WLS: variants seen among roughly 807,000 people sequenced by gnomAD.
The protein encoded by WLS is protein wntless homolog.
In WLS, 23 loss-of-function variants were observed where a neutral mutation model predicts 62.8. That is an observed-to-expected ratio of 0.37 (90% CI 0.26 to 0.52). WLS has a LOEUF of 0.52. Ranked by LOEUF, WLS falls within the 20% of genes least tolerant of loss-of-function variation. The pLI, the probability that WLS is intolerant of heterozygous loss-of-function variation, is 0.92. For missense variants in WLS, 615 were observed against 697.3 expected (o/e 0.88, Z 1.33); for synonymous variants, 246 against 244.1 (o/e 1.01, Z -0.07).
intron 11 of WLS, among the ~76,000 whole-genome samples, chr1:68,137,485 AAAG>A (rs1185373587): frequency 6.6e-6 from 1 of 152,230 alleles, no homozygotes. Context: ...TCAAAAATGT[AAAG>A]AAGAAAATTT....
At chr1:68,106,822 T>C (rs905592199) in intron 11 of WLS, among the ~76,000 whole-genome samples, 1 of 152,076 alleles carries the variant, frequency 6.6e-6, no homozygotes, top group Non-Finnish European at 1.5e-5. Context: ...AGATGCTTAA[T>C]GTCCTGCAAC....
intron 1 of WLS, among the ~76,000 whole-genome samples, chr1:68,208,049 G>A (rs1257843258): frequency 6.6e-6 from 1 of 152,148 alleles, no homozygotes; most frequent in Non-Finnish European, 1.5e-5. Flanking sequence ...ACCTATCAGT[G>A]AACAGCCCCA....
intron 11 of WLS, among the ~76,000 whole-genome samples, chr1:68,110,337 A>G (rs560302917): frequency 1.1e-4 from 17 of 152,148 alleles, no homozygotes; most frequent in Non-Finnish European, 2.2e-4. Flanking sequence ...CCAGAAAAAT[A>G]TAACTTGTGA....
At chr1:68,136,799 A>G (rs932245240) in intron 11 of WLS, among the ~76,000 whole-genome samples, 4 of 152,200 alleles carry the variant, frequency 2.6e-5, no homozygotes, top group African/African-American at 7.2e-5. Context: ...AGAATGTGCA[A>G]TCCACTCATG....
chr1:68,183,839 A>G (rs1026310804), intron 2 of WLS, among the ~76,000 whole-genome samples: 1 of 152,098 alleles, frequency 6.6e-6, no homozygotes, highest in Non-Finnish European at 1.5e-5. Flanking sequence ...TAATTACTTT[A>G]ACTAGAAATT....
chr1:68,178,925 C>T (rs1463581697), intron 2 of WLS, among the ~76,000 whole-genome samples: 1 of 152,052 alleles, frequency 6.6e-6, no homozygotes, highest in East Asian at 1.9e-4. Flanking sequence ...ATCTACCATC[C>T]CATCATGAAA....
At chr1:68,127,179 G>A (rs1302121123) in intron 11 of WLS, 2 of 281,610 alleles carry the variant, frequency 7.1e-6, no homozygotes, top group African/African-American at 2.3e-5. Context: ...GGGTGACAGA[G>A]TAAGACTTTG....
At chr1:68,123,756 G>A (rs12136863), downstream of WLS, among the ~76,000 whole-genome samples, 1 of 152,070 alleles carries the variant, frequency 6.6e-6, no homozygotes, top group African/African-American at 2.4e-5. Flanking sequence ...ACCTGCCTAA[G>A]ACTCCTGTTT....
intron 2 of WLS, among the ~76,000 whole-genome samples, chr1:68,185,210 A>T (rs1647851738): frequency 6.6e-6 from 1 of 152,346 alleles, no homozygotes; most frequent in Admixed American, 6.5e-5. Context: ...TCAGATGCCC[A>T]TCGAAAAAAC....
chr1:68,138,010 C>T (rs1646635864), intron 10 of WLS, 77 bp from the exon 11 acceptor site: 10 of 1,557,738 alleles, frequency 6.4e-6, no homozygotes, highest in African/African-American at 1.4e-5. Context: ...AAGGAACCAA[C>T]CAACATGAAA....
At chr1:68,188,690 A>G (rs1835456) in intron 2 of WLS, among the ~76,000 whole-genome samples, 9,505 of 152,316 alleles carry the variant, frequency 0.062, 375 homozygotes, top group Admixed American at 0.097. Context: ...TTGTGAGAAG[A>G]GGAATCACAA....
rs370028102 is a variant in WLS at position 68,126,855 on chromosome 1, C to A, written c.1517-520G>T. Among the ~76,000 whole-genome samples the A allele has an allele frequency of 1.4e-4, 21 of 152,242 alleles. No individual in the cohort carries two copies. In the East Asian group the frequency reaches 2.3e-3, roughly 17 times the overall value. On this transcript the variant is annotated intron_variant, in intron 11 of 11. Coordinates refer to ENST00000262348, the MANE Select transcript of WLS (RefSeq NM_024911.7). ...TAAACCAGCATAACACCCCTCCCAA[C>A]GGATGGGTCAGTCAGGCACCAACAC...
At chr1:68,208,583 C>A (rs1354088656) in intron 1 of WLS, among the ~76,000 whole-genome samples, 1 of 152,192 alleles carries the variant, frequency 6.6e-6, no homozygotes, top group Non-Finnish European at 1.5e-5. Context: ...TATATATCCC[C>A]TTTACCATGC....
intron 10 of WLS, among the ~76,000 whole-genome samples, chr1:68,143,303 CAA>C (rs1646710958): frequency 6.6e-6 from 1 of 152,146 alleles, no homozygotes; most frequent in Admixed American, 6.5e-5. Flanking sequence ...AAAGCACTGG[CAA>C]AAGAGTCAGA....
intron 11 of WLS, among the ~76,000 whole-genome samples, chr1:68,116,094 T>G (rs931906542): frequency 6.6e-6 from 1 of 152,210 alleles, no homozygotes; most frequent in Non-Finnish European, 1.5e-5. Context: ...CTTCATTAAC[T>G]TCCAGGTTGC....
intron 1 of WLS, among the ~76,000 whole-genome samples, chr1:68,224,169 C>T (rs536789736): frequency 2.0e-5 from 3 of 152,094 alleles, no homozygotes; most frequent in African/African-American, 7.2e-5. Flanking sequence ...AGAAAGAATA[C>T]CCCTTGGCCA....
chr1:68,182,664 G>GTACCATT (rs149802011), intron 2 of WLS, among the ~76,000 whole-genome samples: 5,632 of 152,140 alleles, frequency 0.037, 336 homozygotes, highest in African/African-American at 0.13. Context: ...GACAACTTCC[G>GTACCATT]TACCATTTAC....
In WLS at chr1:68,099,820, T is replaced by A. The variant is rs192833738; in HGVS notation, c.1511-1067A>T. ...AAGGACATGGATTCTGGACCCAGAC[T>A]GCATACATTCAACTTGGCTTCACTT... On this transcript the variant is annotated intron_variant, in intron 11 of 11. Transcript: ENST00000354777. 3 of 152,320 alleles carry A rather than the reference T, an allele frequency of 2.0e-5. No homozygotes were observed. In the East Asian group the frequency reaches 5.8e-4, roughly 29 times the overall value. 9.4% of individuals were successfully genotyped at this position (152,320 alleles called of 1,614,324 possible). A position where few individuals can be genotyped will look rare whatever the true frequency, so the allele number is the denominator to read the frequency against.
intron 1 of WLS, among the ~76,000 whole-genome samples, chr1:68,225,066 T>C (rs1650087903): frequency 6.6e-6 from 1 of 152,088 alleles, no homozygotes; most frequent in African/African-American, 2.4e-5. Flanking sequence ...TTTGGGTTGA[T>C]GTGATCATTA....
Sources: allele counts gnomAD v4.1 joint callset (sites outside exome capture counted in the v4.1 genomes callset), GRCh38; gene constraint gnomAD v4.1.1; transcripts MANE v1.5; gene names NCBI Gene and HGNC (gene_info 2026-07-23, HGNC 2026-07-21).